The following LHFPL3 variants were observed in gnomAD, a reference collection of about 807,000 sequenced individuals.
LHFPL3 encodes the protein LHFPL tetraspan subfamily member 3.
A neutral mutation model predicts 19.3 loss-of-function variants in LHFPL3; 5 were observed. The ratio of observed to expected loss-of-function variants is 0.26; its 90% CI spans 0.14 to 0.54. The LOEUF (loss-of-function observed/expected upper bound fraction) is 0.54. Among genes scored for constraint, LHFPL3 ranks in the 20% least tolerant of loss-of-function variants. The probability of loss-of-function intolerance (pLI) is 0.94; values close to 1 mark genes in which losing one functional copy is unlikely to be tolerated. For synonymous variants in LHFPL3, 133 were observed against 126.2 expected (o/e 1.05, Z -0.36); for missense variants, 249 against 307.4 (o/e 0.81, Z 1.42).
At chr7:104,794,652 C>T (rs1584537638) in intron 2 of LHFPL3, among the ~76,000 whole-genome samples, 1 of 152,178 alleles carries the variant, frequency 6.6e-6, no homozygotes, top group Non-Finnish European at 1.5e-5. Flanking sequence ...TCCATCTAAT[C>T]AAGCAGTTCA....
intron 2 of LHFPL3, among the ~76,000 whole-genome samples, chr7:104,763,930 A>G (rs915203641): frequency 5.3e-5 from 8 of 152,248 alleles, no homozygotes; most frequent in African/African-American, 1.9e-4. Context: ...GGAAATTTCC[A>G]ATAAGGATAC....
chr7:104,835,425 G>A (rs1791071505), intron 2 of LHFPL3, among the ~76,000 whole-genome samples: 1 of 151,544 alleles, frequency 6.6e-6, no homozygotes, highest in Non-Finnish European at 1.5e-5. Context: ...CCAGCAAGAA[G>A]GTAAGCTTAG....
chr7:104,397,897 A>G (rs1791224320), intron 1 of LHFPL3, among the ~76,000 whole-genome samples: 1 of 152,228 alleles, frequency 6.6e-6, no homozygotes, highest in Non-Finnish European at 1.5e-5. Context: ...CTATGGACAC[A>G]TAGTTTACCT....
At chr7:104,470,332 A>G (rs923426584) in intron 1 of LHFPL3, among the ~76,000 whole-genome samples, 1 of 152,188 alleles carries the variant, frequency 6.6e-6, no homozygotes, top group Non-Finnish European at 1.5e-5. Context: ...AGGCTAATCC[A>G]TATTCATCCT....
intron 1 of LHFPL3, among the ~76,000 whole-genome samples, chr7:104,734,118 T>A (rs1793756170): frequency 6.6e-6 from 1 of 152,220 alleles, no homozygotes; most frequent in Non-Finnish European, 1.5e-5. Context: ...CTTCCCTTTG[T>A]GGGTAACCCG....
At chr7:104,852,128 G>A (rs931071781) in intron 2 of LHFPL3, among the ~76,000 whole-genome samples, 2 of 151,862 alleles carry the variant, frequency 1.3e-5, no homozygotes, top group Admixed American at 6.6e-5. Flanking sequence ...AGAGCTCAAA[G>A]AGCCTCACCA....
chr7:104,669,375 T>C, intron 1 of LHFPL3: 1 of 1,613,308 alleles, frequency 6.2e-7, no homozygotes. Flanking sequence ...ACTCTAGCCG[T>C]GGTCCAGGAG....
chr7:104,328,752 G>A lies in LHFPL3; in HGVS notation c.-28G>A. On this transcript the variant is annotated 5_prime_UTR_variant, in exon 1 of 3. Coordinates refer to ENST00000424859, the MANE Select transcript of LHFPL3 (RefSeq NM_199000.3). The surrounding 1 kb of genome is among the most constrained non-coding windows in gnomAD (Gnocchi z 4.6). The stretch of plus-strand genomic sequence containing the variant: ...GCGGGGGGAGGCGGAGGACCAGGAG[G>A]AGGAGGAGGAGGAGGAGGAGGGGGA... 1 of 1,040,682 alleles carries A rather than the reference G, an allele frequency of 9.6e-7. No individual in the cohort carries two copies. The allele number at this position is 1,040,682 out of a possible 1,614,324, so 64.5% of individuals were successfully genotyped here.
intron 1 of LHFPL3, among the ~76,000 whole-genome samples, chr7:104,457,185 T>C (rs1305895085): frequency 3.9e-5 from 6 of 152,078 alleles, no homozygotes; most frequent in African/African-American, 1.4e-4. Context: ...TAGTTACATA[T>C]GTATACATGT....
At chr7:104,760,859 C>T (rs1356185452) in intron 2 of LHFPL3, among the ~76,000 whole-genome samples, 3 of 151,978 alleles carry the variant, frequency 2.0e-5, no homozygotes, top group Non-Finnish European at 4.4e-5. Context: ...AGGGGCCTTT[C>T]CATTCCTCTT....
At chr7:104,347,606 C>T (rs968059228) in intron 1 of LHFPL3, among the ~76,000 whole-genome samples, 1 of 152,110 alleles carries the variant, frequency 6.6e-6, no homozygotes, top group Non-Finnish European at 1.5e-5. Flanking sequence ...GAAAGTTTGC[C>T]TTCTTTTCTA....
intron 1 of LHFPL3, among the ~76,000 whole-genome samples, chr7:104,561,617 G>T (rs1431361068): frequency 6.6e-6 from 1 of 152,154 alleles, no homozygotes; most frequent in Non-Finnish European, 1.5e-5. Flanking sequence ...GCACACTGAT[G>T]GGTCTTGACT....
At chr7:104,433,268 T>C (rs867302802) in intron 1 of LHFPL3, among the ~76,000 whole-genome samples, 1 of 152,240 alleles carries the variant, frequency 6.6e-6, no homozygotes, top group South Asian at 2.1e-4. Context: ...TGGAAAAGTT[T>C]ACATGCTTAA....
intron 1 of LHFPL3, among the ~76,000 whole-genome samples, chr7:104,357,014 ACTTGGGGT>A (rs1290018611): frequency 7.2e-6 from 1 of 138,932 alleles, no homozygotes; most frequent in East Asian, 2.2e-4. Flanking sequence ...TAATTTGGGG[ACTTGGGGT>A]CCCCAAATTA....
intron 1 of LHFPL3, among the ~76,000 whole-genome samples, chr7:104,331,707 T>G (rs1052776858): frequency 3.3e-5 from 5 of 152,170 alleles, no homozygotes; most frequent in Admixed American, 1.3e-4. Flanking sequence ...CTCAGCACTT[T>G]GGGAGGCTGA....
intron 2 of LHFPL3, among the ~76,000 whole-genome samples, chr7:104,888,197 C>A (rs1792186044): frequency 6.6e-6 from 1 of 152,170 alleles, no homozygotes; most frequent in Non-Finnish European, 1.5e-5. Context: ...TTTAAGACAT[C>A]TTACCCCTTC....
At chr7:104,420,269 T>C (rs962666435) in intron 1 of LHFPL3, among the ~76,000 whole-genome samples, 36 of 152,340 alleles carry the variant, frequency 2.4e-4, no homozygotes, top group African/African-American at 7.9e-4. Flanking sequence ...CCTACTGGCA[T>C]TGGGTCAATA....
chr7:104,336,216 T>C (rs1310707975), intron 1 of LHFPL3, among the ~76,000 whole-genome samples: 1 of 152,144 alleles, frequency 6.6e-6, no homozygotes, highest in Non-Finnish European at 1.5e-5. Flanking sequence ...AAGTTAGTAA[T>C]AATGATGGAA....
intron 2 of LHFPL3, among the ~76,000 whole-genome samples, chr7:104,866,418 T>G (rs2116648662): frequency 6.6e-6 from 1 of 151,598 alleles, no homozygotes; most frequent in African/African-American, 2.4e-5. Flanking sequence ...AAGGCAGGGG[T>G]TGCAATCCTA....
Sources: gnomAD v4.1 joint callset for allele counts (sites outside exome capture counted in the v4.1 genomes callset) on GRCh38, gnomAD v4.1.1 for gene constraint, Gnocchi (gnomAD v3.1) non-coding constraint, MANE v1.5 for transcripts, NCBI Gene and HGNC (gene_info 2026-07-23, HGNC 2026-07-21) for gene names.